Variants in ADGRG6 observed in about 807,000 individuals in gnomAD.
ADGRG6 encodes G-protein coupled receptor 126.
Under a neutral mutation model 142.4 loss-of-function variants are expected in ADGRG6, and 84 were observed. The observed-to-expected ratio is 0.59, with a 90% CI of 0.49 to 0.71. The LOEUF (loss-of-function observed/expected upper bound fraction) is 0.71. ADGRG6 is among the 30% of genes least tolerant of loss of function. The pLI is 0.00. For missense variants in ADGRG6, 1,367 were observed against 1,466.6 expected (o/e 0.93, Z 1.11); for synonymous variants, 521 against 520.5 (o/e 1.00, Z -0.01).
At chr6:142,425,336 T>C (rs955157938) in intron 22 of ADGRG6, among the ~76,000 whole-genome samples, 1 of 152,276 alleles carries the variant, frequency 6.6e-6, no homozygotes, top group African/African-American at 2.4e-5. Context: ...GTGGTGGGGA[T>C]GAGAGAGCTA....
At chr6:142,364,856 C>A (rs1176377257) in intron 2 of ADGRG6, among the ~76,000 whole-genome samples, 1 of 152,062 alleles carries the variant, frequency 6.6e-6, no homozygotes, top group Non-Finnish European at 1.5e-5. Context: ...CAGAGAGATA[C>A]CCTGTCTCTA....
chr6:142,317,459 A>G (rs1023646670), intron 2 of ADGRG6, among the ~76,000 whole-genome samples: 1 of 151,670 alleles, frequency 6.6e-6, no homozygotes, highest in Non-Finnish European at 1.5e-5. Context: ...TCAAAGAGTT[A>G]GGTATCTTTA....
At chr6:142,438,771 C>T (rs990394512) in intron 24 of ADGRG6, among the ~76,000 whole-genome samples, 8 of 152,076 alleles carry the variant, frequency 5.3e-5, no homozygotes, top group African/African-American at 1.9e-4. Context: ...CTAGGATGTA[C>T]ATTTTATTTA....
chr6:142,394,065 A>G (rs1775046086), intron 9 of ADGRG6, 107 bp downstream of exon 9: 1 of 721,294 alleles, frequency 1.4e-6, no homozygotes, highest in Admixed American at 2.4e-5. Flanking sequence ...ACTTAATCAC[A>G]TAGCACAGTT....
chr6:142,411,510 T>G, intron 18 of ADGRG6, 99 bp downstream of exon 18: 1 of 725,778 alleles, frequency 1.4e-6, no homozygotes, highest in East Asian at 2.5e-5. Flanking sequence ...TTGGGAATTA[T>G]TTCCTGATAG....
intron 2 of ADGRG6, among the ~76,000 whole-genome samples, chr6:142,363,335 T>TA (rs556266338): frequency 0.014 from 2,098 of 148,874 alleles, 46 homozygotes; most frequent in African/African-American, 0.048. Context: ...AATCTGAGAT[T>TA]AAAAAAAAAA....
intron 2 of ADGRG6, among the ~76,000 whole-genome samples, chr6:142,313,880 C>T (rs1187213267): frequency 1.3e-5 from 2 of 151,732 alleles, no homozygotes; most frequent in African/African-American, 4.8e-5. Context: ...TATGAATGTC[C>T]CCTTTTTAAA....
intron 1 of ADGRG6, 31 bp from the exon 2 acceptor site, chr6:142,309,513 A>G: frequency 6.9e-7 from 1 of 1,455,804 alleles, no homozygotes; most frequent in South Asian, 1.2e-5. Context: ...TGAATGTTGA[A>G]TGTCCTAATT....
intron 22 of ADGRG6, among the ~76,000 whole-genome samples, chr6:142,424,841 C>T (rs75686510): frequency 0.013 from 2,018 of 152,052 alleles, 22 homozygotes; most frequent in Non-Finnish European, 0.02. Flanking sequence ...ATATATTGCT[C>T]TATAGAAATT....
At chr6:142,311,769 C>A (rs1777780675) in intron 2 of ADGRG6, among the ~76,000 whole-genome samples, 1 of 151,902 alleles carries the variant, frequency 6.6e-6, no homozygotes, top group Non-Finnish European at 1.5e-5. Flanking sequence ...CTCCTAGAGC[C>A]ATCTCTTGAG....
At chr6:142,338,283 C>G (rs975010625) in intron 2 of ADGRG6, among the ~76,000 whole-genome samples, 2 of 151,142 alleles carry the variant, frequency 1.3e-5, no homozygotes, top group Non-Finnish European at 3.0e-5. Context: ...GCTGGGATTA[C>G]AGGCATGAGC....
intron 2 of ADGRG6, among the ~76,000 whole-genome samples, chr6:142,312,607 T>C (rs9389983): frequency 0.64 from 97,941 of 151,910 alleles, 34,078 homozygotes; most frequent in African/African-American, 0.91. Context: ...AGGAAAAGAG[T>C]GTGCACTGAC....
intron 2 of ADGRG6, among the ~76,000 whole-genome samples, chr6:142,321,238 A>C (rs1161733731): frequency 6.6e-5 from 10 of 151,692 alleles, no homozygotes; most frequent in Non-Finnish European, 1.3e-4. Flanking sequence ...TAAGATTCAC[A>C]TATTTCCTTT....
At chr6:142,392,864 C>A (rs1031976674) in intron 7 of ADGRG6, 84 bp from the exon 8 acceptor site, 1 of 895,450 alleles carries the variant, frequency 1.1e-6, no homozygotes, top group Non-Finnish European at 1.8e-6. Flanking sequence ...ATCTCAGTAA[C>A]AACTTATGTT....
At chr6:142,377,191 C>T (rs1159581021) in intron 4 of ADGRG6, among the ~76,000 whole-genome samples, 5 of 152,108 alleles carry the variant, frequency 3.3e-5, no homozygotes, top group South Asian at 2.1e-4. Flanking sequence ...TTTAGGCACA[C>T]GGACACATCG....
intron 2 of ADGRG6, among the ~76,000 whole-genome samples, chr6:142,326,241 C>T (rs144536017): frequency 0.017 from 2,548 of 151,206 alleles, 28 homozygotes; most frequent in Non-Finnish European, 0.027. Context: ...TTCATGTACA[C>T]GGATTTAAAG....
At chr6:142,315,089 T>C (rs1026758824) in intron 2 of ADGRG6, among the ~76,000 whole-genome samples, 4 of 151,984 alleles carry the variant, frequency 2.6e-5, no homozygotes, top group African/African-American at 7.3e-5. Flanking sequence ...TTTTAGCGGG[T>C]ACTTTTAATA....
At chr6:142,433,484 T>A (rs1020502336) in intron 22 of ADGRG6, among the ~76,000 whole-genome samples, 1 of 152,156 alleles carries the variant, frequency 6.6e-6, no homozygotes. Context: ...TCATGTAGAG[T>A]GTGAGGATGA....
intron 22 of ADGRG6, among the ~76,000 whole-genome samples, chr6:142,432,028 A>AC (rs1232532644): frequency 2.6e-5 from 4 of 152,194 alleles, no homozygotes; most frequent in African/African-American, 9.6e-5. Context: ...TGCTTCTGAC[A>AC]CCGAGATCTA....
Sources: gnomAD v4.1 joint callset for allele counts (sites outside exome capture counted in the v4.1 genomes callset) on GRCh38, gnomAD v4.1.1 for gene constraint, MANE v1.5 for transcripts, NCBI Gene and HGNC (gene_info 2026-07-23, HGNC 2026-07-21) for gene names.